Variants in SCFD1 observed in about 807,000 individuals in gnomAD.
The protein encoded by SCFD1 is sec1 family domain-containing protein 1.
A neutral mutation model predicts 103.2 loss-of-function variants in SCFD1; 37 were observed. The observed-to-expected ratio is 0.36, with a 90% CI of 0.28 to 0.47. The LOEUF (loss-of-function observed/expected upper bound fraction) is 0.47. Ranked by LOEUF, SCFD1 falls within the 20% of genes least tolerant of loss-of-function variation. The pLI is 1.00. For synonymous variants in SCFD1, 264 were observed against 245.0 expected, an observed-to-expected ratio of 1.08 and a Z score of -0.73; for missense variants, 639 against 761.2, an observed-to-expected ratio of 0.84 and a Z score of 1.89.
chr14:30,677,390 TA>T (rs1889114279), intron 14 of SCFD1, among the ~76,000 whole-genome samples: 1 of 152,160 alleles, frequency 6.6e-6, no homozygotes, highest in African/African-American at 2.4e-5. Context: ...AGATCTGATT[TA>T]AACAAAGTGT....
intron 23 of SCFD1, among the ~76,000 whole-genome samples, chr14:30,724,070 C>CT (rs1460156814): frequency 1.6e-5 from 1 of 62,688 alleles, no homozygotes; most frequent in African/African-American, 8.4e-5. Flanking sequence ...TCACCAGTAT[C>CT]TTAAAAAAAA....
At chr14:30,707,811 T>C in intron 18 of SCFD1, 179 bp from the exon 19 acceptor site, 1 of 680,460 alleles carries the variant, frequency 1.5e-6, no homozygotes, top group South Asian at 1.5e-5. Flanking sequence ...TTAAATAAAA[T>C]TGCAGCTGTG....
chr14:30,679,620 C>T (rs558613185), intron 14 of SCFD1, among the ~76,000 whole-genome samples: 12 of 151,386 alleles, frequency 7.9e-5, no homozygotes, highest in African/African-American at 2.7e-4. Context: ...TGACAGACTG[C>T]GTATTTTAGG....
At chr14:30,730,023 T>G (rs868831287) in intron 23 of SCFD1, among the ~76,000 whole-genome samples, 23 of 152,150 alleles carry the variant, frequency 1.5e-4, no homozygotes, top group Admixed American at 9.2e-4. Flanking sequence ...CTTACCCCAC[T>G]ACAGGTCCCG....
intron 5 of SCFD1, 79 bp from the exon 6 acceptor site, chr14:30,639,698 T>G: frequency 7.3e-7 from 1 of 1,368,114 alleles, no homozygotes. Flanking sequence ...CTACCATTGG[T>G]AGGTTAGAGC....
In SCFD1 at chr14:30,643,510, T is replaced by C. The variant is rs1885498775; in HGVS notation, c.613+105T>C. 7.4e-6 allele frequency: 6 copies of C among 808,502 alleles called. No homozygotes were observed. In the Admixed American group the frequency reaches 1.2e-4, roughly 17 times the overall value. 50.1% of individuals were successfully genotyped at this position (808,502 alleles called of 1,614,324 possible). On this transcript the variant is annotated intron_variant, in intron 7 of 24. Transcript: ENST00000458591. ...ATTCGTTCTCACTTACCTGGATCTC[T>C]AGAGGTTCTCGAGTGGAGTAAAATA...
At chr14:30,707,199 A>G (rs984427734) in intron 18 of SCFD1, among the ~76,000 whole-genome samples, 9 of 152,216 alleles carry the variant, frequency 5.9e-5, no homozygotes, top group African/African-American at 2.2e-4. Flanking sequence ...GATTTTGATA[A>G]ATATGTTATA....
intron 3 of SCFD1, among the ~76,000 whole-genome samples, chr14:30,632,550 G>T (rs778120999): frequency 2.0e-4 from 30 of 152,126 alleles, no homozygotes; most frequent in Non-Finnish European, 3.5e-4. Context: ...GAAATAAGCA[G>T]GTTTGCTTTG....
At chr14:30,693,989 C>A (rs1381324944) in intron 14 of SCFD1, among the ~76,000 whole-genome samples, 1 of 152,024 alleles carries the variant, frequency 6.6e-6, no homozygotes, top group Non-Finnish European at 1.5e-5. Context: ...TCTCACACAG[C>A]AAAGTTTTAC....
At chr14:30,706,626 C>G (rs1891488549) in intron 18 of SCFD1, among the ~76,000 whole-genome samples, 1 of 152,156 alleles carries the variant, frequency 6.6e-6, no homozygotes, top group East Asian at 1.9e-4. Flanking sequence ...AGGAAGTCCT[C>G]AGGGCTAGGT....
chr14:30,625,085 T>A (rs768164031), intron 1 of SCFD1, among the ~76,000 whole-genome samples: 6 of 152,220 alleles, frequency 3.9e-5, no homozygotes, highest in East Asian at 3.9e-4. Flanking sequence ...TTTTACTTTT[T>A]TTTTATTTTA....
Position 30,719,325 on chromosome 14 carries a change from G to A in SCFD1, c.1684G>A (p.Glu562Lys). The change falls in exon 21 of 25, where the codon GAA becomes AAA. Residue 562 changes from glutamate (E) to lysine (K), a missense_variant and splice_region_variant. Physicochemically the swap from Glu to Lys is moderately conservative, Grantham distance 56 (BLOSUM62 1). Coordinates refer to ENST00000458591, the MANE Select transcript of SCFD1 (RefSeq NM_016106.4). The part of the protein sequence containing the change: ...DNLMEMKSNP[E>K]TDDYRYFDPK... ...GGTAAAGTTCTATTTTTTTTAATAG[G>A]AAACTGATGACTATAGATATTTTGA... 1 of 1,591,492 alleles carries A rather than the reference G, an allele frequency of 6.3e-7. No individual in the cohort carries two copies. The highest frequency in any genetic ancestry group is 1.1e-5 in the South Asian group (1 of 87,826).
chr14:30,630,987 C>G (rs1884053291), intron 3 of SCFD1: 1 of 163,434 alleles, frequency 6.1e-6, no homozygotes, highest in Non-Finnish European at 1.3e-5. Flanking sequence ...AGCTTAGCCT[C>G]TCCTACCCTC....
chr14:30,666,262 C>A (rs1887958203), intron 10 of SCFD1, among the ~76,000 whole-genome samples: 1 of 152,152 alleles, frequency 6.6e-6, no homozygotes, highest in Non-Finnish European at 1.5e-5. Flanking sequence ...TACTCAAAAC[C>A]GCACAACTAC....
intron 4 of SCFD1, among the ~76,000 whole-genome samples, chr14:30,636,150 TCA>T (rs1231624800): frequency 6.6e-6 from 1 of 152,128 alleles, no homozygotes; most frequent in Non-Finnish European, 1.5e-5. Flanking sequence ...TACTAGACAC[TCA>T]CAAGTTTATG....
intron 14 of SCFD1, chr14:30,676,706 A>G (rs1439623672): frequency 2.6e-5 from 4 of 152,234 alleles, no homozygotes; most frequent in Non-Finnish European, 4.4e-5. Context: ...AGAATATGGA[A>G]TCAAAAAAAG....
chr14:30,656,995 T>G (rs1262600367), intron 10 of SCFD1, among the ~76,000 whole-genome samples: 1 of 152,094 alleles, frequency 6.6e-6, no homozygotes, highest in Non-Finnish European at 1.5e-5. Flanking sequence ...GTATTGGTAG[T>G]CTCAAATCAT....
At chr14:30,712,071 T>G (rs1206558710) in intron 19 of SCFD1, among the ~76,000 whole-genome samples, 1 of 152,050 alleles carries the variant, frequency 6.6e-6, no homozygotes, top group East Asian at 1.9e-4. Flanking sequence ...GGTTTATAAT[T>G]TTAAATTTTG....
chr14:30,667,542 G>A (rs1408152764), intron 10 of SCFD1, among the ~76,000 whole-genome samples: 1 of 152,160 alleles, frequency 6.6e-6, no homozygotes, highest in Non-Finnish European at 1.5e-5. Flanking sequence ...CATAGTGTTG[G>A]AAGTTCTGGC....
Sources: gnomAD v4.1 joint callset for allele counts (sites outside exome capture counted in the v4.1 genomes callset) on GRCh38, gnomAD v4.1.1 for gene constraint, MANE v1.5 for transcripts, NCBI Gene and HGNC (gene_info 2026-07-23, HGNC 2026-07-21) for gene names.